Variants in KLKB1 observed in about 807,000 individuals in gnomAD.
KLKB1 encodes plasma kallikrein.
A neutral mutation model predicts 73.6 loss-of-function variants in KLKB1; 58 were observed. The ratio of observed to expected loss-of-function variants is 0.79; its 90% CI spans 0.64 to 0.98. The LOEUF (loss-of-function observed/expected upper bound fraction) is 0.98. Among genes scored for constraint, KLKB1 ranks in the 50% least tolerant of loss-of-function variants. The pLI, the probability that KLKB1 is intolerant of heterozygous loss-of-function variation, is 0.00. For synonymous variants in KLKB1, 280 were observed against 258.1 expected (o/e 1.08, Z -0.81); for missense variants, 737 against 763.8 (o/e 0.96, Z 0.41).
rs1737777239 is a variant in KLKB1, at chr4:186,237,863, T to C, written c.489-393T>C. Reference sequence around the variant, plus strand: ...CCAGTCTCTACTGTCTATCGCTCCATGCTCTACTCAATTTTGGTGTCATTT... The same window carrying C: ...CCAGTCTCTACTGTCTATCGCTCCACGCTCTACTCAATTTTGGTGTCATTT... On this transcript the variant is annotated intron_variant, in intron 5 of 14. Coordinates refer to ENST00000264690, the MANE Select transcript of KLKB1 (RefSeq NM_000892.5). 2.6e-5 allele frequency among the ~76,000 whole-genome samples: 4 copies of C among 152,116 alleles called. No individual in the cohort carries two copies. The South Asian group carries it at 6.2e-4, about 24-fold the overall frequency.
rs180882546 is a variant in KLKB1 at position 186,228,055 on chromosome 4, A to C, written c.-1-140A>C. On this transcript the variant is annotated intron_variant, in intron 1 of 14. Coordinates refer to ENST00000264690, the MANE Select transcript of KLKB1 (RefSeq NM_000892.5). ...CTAGACACAAATGTACCAAAAAAAA[A>C]CCCTTGTTTTCTATACCAGTAATTG... is the stretch of plus-strand genomic sequence containing the variant. 630 of 625,402 alleles carry C rather than the reference A, an allele frequency of 1.0e-3. 4 individuals carry two copies. The African/African-American group carries it at 0.01, about 10-fold the overall frequency. The allele number at this position is 625,402 out of a possible 1,614,324, so 38.7% of individuals were successfully genotyped here. A position where few individuals can be genotyped will look rare whatever the true frequency, so the allele number is the denominator to read the frequency against.
rs748511238 is a variant in KLKB1 at position 186,251,221 on chromosome 4, A to C, written c.761A>C (p.Asn254Thr). 1.3e-6 allele frequency: 2 copies of C among 1,590,912 alleles called. No individual in the cohort carries two copies. The highest frequency in any genetic ancestry group is 8.6e-7 in the Non-Finnish European group (1 of 1,160,112). The change falls in exon 8 of 15, where the codon AAT becomes ACT. Residue 254 changes from asparagine (N) to threonine (T), a missense_variant and splice_region_variant. By Grantham distance (65) the Asn-to-Thr change is moderately conservative (BLOSUM62 0). Transcript: ENST00000264690. ...TTGCTTTTTTTTAAAAAAAATAGAA[A>C]TGTTTGTCTTCTTAAAACATCTGAA... Reference protein sequence around the residue: ...TNVWKIESQRNVCLLKTSESG... With the variant: ...TNVWKIESQRTVCLLKTSESG...
In KLKB1 at chr4:186,258,264, C is replaced by T. The variant is rs1739128033; in HGVS notation, c.*52C>T. 1 of 1,511,906 alleles carries T rather than the reference C, an allele frequency of 6.6e-7. No individual in the cohort carries two copies. Among genetic ancestry groups the T allele is most frequent in the African/African-American group, 1.4e-5 (1 of 72,758 alleles). 93.7% of individuals were successfully genotyped at this position (1,511,906 alleles called of 1,614,324 possible). ...TTACAACCTGAGTTCAAGTCAAATTCTGAGCCTGGGGGGTCCTCATCTGCA... is the reference window on the plus strand; with the variant it reads ...TTACAACCTGAGTTCAAGTCAAATTTTGAGCCTGGGGGGTCCTCATCTGCA... On this transcript the variant is annotated 3_prime_UTR_variant, in exon 15 of 15. Transcript: ENST00000264690.
At chr4:186,230,438 A>G (rs1737338209) in intron 2 of KLKB1, among the ~76,000 whole-genome samples, 1 of 152,198 alleles carries the variant, frequency 6.6e-6, no homozygotes, top group Admixed American at 6.5e-5. Flanking sequence ...GTTAAACAAG[A>G]CTGAATAATC....
rs528307403 is a variant in KLKB1, at chr4:186,234,176, G to A, written c.328+118G>A. Reference sequence around the variant, plus strand: ...GAAGGCATCACTCATAAAGATAGGAGATGGGGCAGTATTCTGGACACAAAA... The same window carrying A: ...GAAGGCATCACTCATAAAGATAGGAAATGGGGCAGTATTCTGGACACAAAA... On this transcript the variant is annotated intron_variant, in intron 4 of 14. Coordinates refer to ENST00000264690, the MANE Select transcript of KLKB1 (RefSeq NM_000892.5). 7.6e-5 allele frequency: 58 copies of A among 761,772 alleles called. 1 individual carries two copies. The South Asian group carries it at 8.3e-4, about 11-fold the overall frequency. The allele number at this position is 761,772 out of a possible 1,614,324, so 47.2% of individuals were successfully genotyped here. A position where few individuals can be genotyped will look rare whatever the true frequency, so the allele number is the denominator to read the frequency against.
chr4:186,253,134 GC>G (rs1345861102), intron 11 of KLKB1, among the ~76,000 whole-genome samples: 1 of 152,206 alleles, frequency 6.6e-6, no homozygotes, highest in Non-Finnish European at 1.5e-5. Context: ...CATTTAAAAT[GC>G]TTAGTACTGT....
At chr4:186,242,390 T>A (rs981722856) in intron 6 of KLKB1, among the ~76,000 whole-genome samples, 2 of 151,582 alleles carry the variant, frequency 1.3e-5, no homozygotes, top group Admixed American at 1.3e-4. Context: ...GTGGCGAAAG[T>A]TTTTGGGGGT....
chr4:186,236,636 A>G, intron 4 of KLKB1, 145 bp from the exon 5 acceptor site: 1 of 695,956 alleles, frequency 1.4e-6, no homozygotes, highest in Non-Finnish European at 2.5e-6. Flanking sequence ...TACATAATAA[A>G]AATTTTAAAT....
intron 6 of KLKB1, among the ~76,000 whole-genome samples, chr4:186,244,654 T>TGG (rs796463984): frequency 2.0e-5 from 3 of 151,550 alleles, no homozygotes; most frequent in African/African-American, 7.3e-5. Context: ...GGAGAGTATA[T>TGG]GGCTTTGGTA....
intron 2 of KLKB1, among the ~76,000 whole-genome samples, chr4:186,215,481 T>C (rs1349997126): frequency 2.6e-5 from 4 of 151,744 alleles, no homozygotes; most frequent in African/African-American, 9.7e-5. Context: ...ATTCTACCTC[T>C]AGGCTTTGCG....
At chr4:186,256,737 G>A (rs1050619441) in intron 13 of KLKB1, among the ~76,000 whole-genome samples, 12 of 152,162 alleles carry the variant, frequency 7.9e-5, no homozygotes, top group Middle Eastern at 3.4e-3. Context: ...TTTCAGAAAC[G>A]ATATAGTTGT....
intron 13 of KLKB1, among the ~76,000 whole-genome samples, chr4:186,256,462 T>C (rs1580046335): frequency 6.6e-6 from 1 of 152,154 alleles, no homozygotes; most frequent in Admixed American, 6.5e-5. Flanking sequence ...CACAGGCAGG[T>C]GTGTCGTCTC....
At chr4:186,248,206 C>T (rs1002293462) in intron 6 of KLKB1, among the ~76,000 whole-genome samples, 16 of 151,916 alleles carry the variant, frequency 1.1e-4, no homozygotes, top group African/African-American at 3.9e-4. Flanking sequence ...CAAGATTGCG[C>T]CACTGCACTC....
At chr4:186,243,806 G>A (rs1470127034) in intron 6 of KLKB1, among the ~76,000 whole-genome samples, 6 of 145,246 alleles carry the variant, frequency 4.1e-5, no homozygotes, top group South Asian at 4.2e-4. Context: ...GTAGTGGAGC[G>A]GGGCAGAGCA....
At chr4:186,219,941 A>G (rs1382676608) in intron 2 of KLKB1, among the ~76,000 whole-genome samples, 3 of 152,074 alleles carry the variant, frequency 2.0e-5, no homozygotes, top group African/African-American at 7.2e-5. Context: ...GTCCAGGTCA[A>G]TCACCACAGC....
chr4:186,257,343 A>G lies in KLKB1; in HGVS notation c.1703A>G (p.Glu568Gly), dbSNP rs764749084. The change falls in exon 14 of 15, where the codon GAA becomes GGA. Residue 568 changes from glutamate to glycine, a missense_variant. Glu to Gly is a moderately conservative substitution (Grantham distance 98). Transcript: ENST00000264690. ...TQRMVCAGYK[E>G]GGKDACKGDS... ...CGGATGGTCTGTGCTGGCTATAAAGAAGGGGGAAAAGATGCTTGTAAGGTA... is the reference window on the plus strand; with the variant it reads ...CGGATGGTCTGTGCTGGCTATAAAGGAGGGGGAAAAGATGCTTGTAAGGTA... The G allele has an allele frequency of 7.5e-6, 12 of 1,593,430 alleles. No individual in the cohort carries two copies. In the South Asian group the frequency reaches 1.0e-4, roughly 14 times the overall value.
At chr4:186,225,590 C>A (rs1302879505), upstream of KLKB1, among the ~76,000 whole-genome samples, 3 of 151,852 alleles carry the variant, frequency 2.0e-5, no homozygotes, top group Non-Finnish European at 4.4e-5. Flanking sequence ...CACCACCACG[C>A]CTGGCTAAAT....
upstream of KLKB1, among the ~76,000 whole-genome samples, chr4:186,225,342 C>T (rs565233151): frequency 6.5e-4 from 98 of 151,768 alleles, 1 homozygote; most frequent in Middle Eastern, 6.9e-3. Context: ...CACCAATAAT[C>T]TTATGAAGCT....
At chr4:186,245,391 G>A (rs1580014910) in intron 6 of KLKB1, among the ~76,000 whole-genome samples, 2 of 152,142 alleles carry the variant, frequency 1.3e-5, no homozygotes, top group African/African-American at 4.8e-5. Context: ...AAGCCAAGAA[G>A]ATCTGGGAAG....
Sources: gnomAD v4.1 joint callset for allele counts (sites outside exome capture counted in the v4.1 genomes callset) on GRCh38, gnomAD v4.1.1 for gene constraint, MANE v1.5 for transcripts, NCBI Gene and HGNC (gene_info 2026-07-23, HGNC 2026-07-21) for gene names.